Variants in ARFRP1 observed in about 807,000 individuals in gnomAD.
The protein encoded by ARFRP1 is ARF related protein 1, also known as ADP-ribosylation factor-related protein 1.
Under a neutral mutation model 30.3 loss-of-function variants are expected in ARFRP1, and 19 were observed. That is an observed-to-expected ratio of 0.63 (90% confidence interval 0.44 to 0.92). The LOEUF is 0.92. ARFRP1 is among the 40% of genes least tolerant of loss of function. The pLI, the probability that ARFRP1 is intolerant of heterozygous loss-of-function variation, is 0.00. For missense variants in ARFRP1, 245 were observed against 267.5 expected (o/e 0.92, Z 0.59); for synonymous variants, 133 against 114.2 (o/e 1.16, Z -1.05).
Position 63,700,136 on chromosome 20 carries a change from G to A in ARFRP1, c.*307C>T, listed in dbSNP as rs961364912. On this transcript the variant is annotated 3_prime_UTR_variant, in exon 8 of 8. Coordinates refer to ENST00000622789, the MANE Select transcript of ARFRP1 (RefSeq NM_001267547.3). ...AGCCCAAGCCAGCCTGAGCACTGGA[G>A]CCCCAATTCCCAACCAGGTCTCCCT... 2.4e-6 allele frequency: 1 copy of A among 415,222 alleles called. No individual in the cohort carries two copies. The highest frequency in any genetic ancestry group is 4.5e-6 in the Non-Finnish European group (1 of 219,844). The allele number at this position is 415,222 out of a possible 1,614,324, so 25.7% of individuals were successfully genotyped here.
At chr20:63,704,555 G>A (rs1417841992) in intron 4 of ARFRP1, 1 of 152,252 alleles carries the variant, frequency 6.6e-6, no homozygotes, top group Non-Finnish European at 1.5e-5. Flanking sequence ...TAGTGAATTG[G>A]GAGGGCACTC....
chr20:63,701,324 C>G, intron 6 of ARFRP1: 2 of 533,264 alleles, frequency 3.8e-6, no homozygotes, highest in South Asian at 2.8e-5. Flanking sequence ...CTGTGCAAAG[C>G]CACTCCAAGA....
Position 63,699,508 on chromosome 20 carries a change from A to T in ARFRP1, c.*935T>A, listed in dbSNP as rs1437270502. 1 of 152,354 alleles carries T rather than the reference A, an allele frequency of 6.6e-6. No homozygotes were observed. The highest frequency in any genetic ancestry group is 1.5e-5 in the Non-Finnish European group (1 of 68,106). The allele number at this position is 152,354 out of a possible 1,614,324, so 9.4% of individuals were successfully genotyped here. ...CCTCCAGGAGGGAAGGGATGGACAG[A>T]GCCACACTCGCCGTCTTTATTTTGC... On this transcript the variant is annotated 3_prime_UTR_variant, in exon 8 of 8. Coordinates refer to ENST00000622789, the MANE Select transcript of ARFRP1 (RefSeq NM_001267547.3).
At chr20:63,703,226 C>G (rs997215850) in intron 4 of ARFRP1, 1 of 152,264 alleles carries the variant, frequency 6.6e-6, no homozygotes, top group Non-Finnish European at 1.5e-5. Flanking sequence ...GACACACACA[C>G]CCGAGAGCAT....
rs1004255236 is a variant in ARFRP1, at chr20:63,700,081, C to T, written c.*362G>A. On this transcript the variant is annotated 3_prime_UTR_variant, in exon 8 of 8. Coordinates refer to ENST00000622789, the MANE Select transcript of ARFRP1 (RefSeq NM_001267547.3). ...TGGGGCGGAGACAGCCACGGGGTCT[C>T]CCGAGGGTCCCACAGGGCTGTCCTC... 3.0e-6 allele frequency: 1 copy of T among 329,510 alleles called. No individual in the cohort carries two copies. The highest frequency in any genetic ancestry group is 2.1e-5 in the African/African-American group (1 of 46,748). The allele number at this position is 329,510 out of a possible 1,614,324, so 20.4% of individuals were successfully genotyped here.
rs758302348 is a variant in ARFRP1 at position 63,700,522 on chromosome 20, ACC to A, written c.525_526del (p.Val176AlafsTer139). The A allele has an allele frequency of 6.2e-7, 1 of 1,610,722 alleles. No individual in the cohort carries two copies. The highest frequency in any genetic ancestry group is 8.5e-7 in the Non-Finnish European group (1 of 1,179,818). On this transcript the variant is annotated frameshift_variant, in exon 8 of 8. Transcript: ENST00000622789. LOFTEE classifies it high-confidence loss of function. ...CACCATCCACTCGATGCCCTCGCGCACCCCTTTGCTGTGAAGACAGCGGGTGT... is the reference window on the plus strand; with the variant it reads ...CACCATCCACTCGATGCCCTCGCGCACCTTTGCTGTGAAGACAGCGGGTGT...
At position 63,700,517 on chromosome 20, in the gene ARFRP1, C is replaced by T. The variant is rs1174269807; in HGVS notation, c.532G>A (p.Glu178Lys). The T allele has an allele frequency of 7.4e-6, 12 of 1,610,744 alleles. No individual in the cohort carries two copies. The highest frequency in any genetic ancestry group is 2.7e-5 in the African/African-American group (2 of 74,908). The stretch of plus-strand genomic sequence containing the variant: ...CACTTCACCATCCACTCGATGCCCT[C>T]GCGCACCCCTTTGCTGTGAAGACAG... ...CSALTGKGVR[E>K]GIEWMVKCVV... Residue 178 changes from glutamate to lysine, a missense_variant, in exon 8 of 8, where the codon GAG becomes AAG. By Grantham distance (56) the Glu-to-Lys change is moderately conservative. Coordinates refer to ENST00000622789, the MANE Select transcript of ARFRP1 (RefSeq NM_001267547.3).
intron 4 of ARFRP1, chr20:63,703,753 C>A (rs377184022): frequency 6.6e-6 from 1 of 152,346 alleles, no homozygotes; most frequent in African/African-American, 2.4e-5. Flanking sequence ...GACCATGGGA[C>A]CACGTGGCCA....
rs114023340 is a variant in ARFRP1, at chr20:63,700,003, G to A, written c.*440C>T. 6.9e-3 allele frequency: 1,685 copies of A among 244,530 alleles called. 36 individuals carry two copies. The highest frequency in any genetic ancestry group is 0.035 in the African/African-American group (1,575 of 44,476). 15.1% of individuals were successfully genotyped at this position (244,530 alleles called of 1,614,324 possible). Reference sequence around the variant, plus strand: ...CACTTCCGGGGTCACGGGGTCACGGGGTCACAGGGCAGAAGCCAGATGGCA... The same window carrying A: ...CACTTCCGGGGTCACGGGGTCACGGAGTCACAGGGCAGAAGCCAGATGGCA... On this transcript the variant is annotated 3_prime_UTR_variant, in exon 8 of 8. Coordinates refer to ENST00000622789, the MANE Select transcript of ARFRP1 (RefSeq NM_001267547.3).
chr20:63,700,132 T>G lies in ARFRP1; in HGVS notation c.*311A>C. 1 of 411,030 alleles carries G rather than the reference T, an allele frequency of 2.4e-6. No individual in the cohort carries two copies. The highest frequency in any genetic ancestry group is 4.6e-6 in the Non-Finnish European group (1 of 217,212). 25.5% of individuals were successfully genotyped at this position (411,030 alleles called of 1,614,324 possible). On this transcript the variant is annotated 3_prime_UTR_variant, in exon 8 of 8. Coordinates refer to ENST00000622789, the MANE Select transcript of ARFRP1 (RefSeq NM_001267547.3). ...ATGCAGCCCAAGCCAGCCTGAGCAC[T>G]GGAGCCCCAATTCCCAACCAGGTCT... is the stretch of plus-strand genomic sequence containing the variant.
In ARFRP1 at chr20:63,698,661, T is replaced by A. The variant is rs977539445; in HGVS notation, c.*1782A>T. On this transcript the variant is annotated 3_prime_UTR_variant, in exon 8 of 8. Coordinates refer to ENST00000622789, the MANE Select transcript of ARFRP1 (RefSeq NM_001267547.3). ...AAGAAATGAGGTTTCTTAAAGCTTA[T>A]TTTTATAAAGCTTTTTCATAAAACT... 7.7e-7 allele frequency: 1 copy of A among 1,292,878 alleles called. No homozygotes were observed. Among genetic ancestry groups the A allele is most frequent in the African/African-American group, 1.9e-5 (1 of 51,588 alleles). 80.1% of individuals were successfully genotyped at this position (1,292,878 alleles called of 1,614,324 possible). A position where few individuals can be genotyped will look rare whatever the true frequency, so the allele number is the denominator to read the frequency against.
rs752710072 is a variant in ARFRP1, at chr20:63,699,799, T to C, written c.*644A>G. ...ACTCCCAGCAGGCCCCCTCAGCTTT[T>C]TGCATCAGTCAGCTCCCTCCCGGGG... On this transcript the variant is annotated 3_prime_UTR_variant, in exon 8 of 8. Coordinates refer to ENST00000622789, the MANE Select transcript of ARFRP1 (RefSeq NM_001267547.3). 1.4e-4 allele frequency: 22 copies of C among 154,526 alleles called. No homozygotes were observed. Among genetic ancestry groups the C allele is most frequent in the Non-Finnish European group, 2.9e-4 (20 of 69,564 alleles). 9.6% of individuals were successfully genotyped at this position (154,526 alleles called of 1,614,324 possible). A position where few individuals can be genotyped will look rare whatever the true frequency, so the allele number is the denominator to read the frequency against.
chr20:63,707,379 T>A (rs1187327479), intron 1 of ARFRP1: 4 of 352,716 alleles, frequency 1.1e-5, no homozygotes, highest in Non-Finnish European at 2.1e-5. Flanking sequence ...GTGTTCACAG[T>A]GAGCTCAGCC....
At position 63,701,887 on chromosome 20, in the gene ARFRP1, G is replaced by C. The variant is rs2091222037; in HGVS notation, c.360C>G (p.Thr120=). 3 of 1,549,906 alleles carry C rather than the reference G, an allele frequency of 1.9e-6. No individual in the cohort carries two copies. Among genetic ancestry groups the C allele is most frequent in the Non-Finnish European group, 8.7e-7 (1 of 1,146,936 alleles). The change falls in exon 6 of 8, where the codon ACC becomes ACG. Residue 120 remains threonine, a synonymous_variant. Transcript: ENST00000622789. ...ESKQAFEKVV[T]SEALCGVPVL... ...CGGGGACACCGCACAGCGCCTCGCT[G>C]GTCACCACCTTCTCTGGGGAGGGCA...
At chr20:63,702,311 A>G in intron 4 of ARFRP1, 94 bp from the exon 5 acceptor site, 3 of 1,240,796 alleles carry the variant, frequency 2.4e-6, no homozygotes, top group Non-Finnish European at 3.5e-6. Context: ...AGGGGCTCAC[A>G]TGAGGAAGGG....
rs1295810 is a variant in ARFRP1 at position 63,699,131 on chromosome 20, G to T, written c.*1312C>A. ...GCCTCCCGATGCACCCAGAGCAACC[G>T]GGGGGCTGCACCAGCCACTCGCCTC... On this transcript the variant is annotated 3_prime_UTR_variant, in exon 8 of 8. Transcript: ENST00000622789. 6.6e-6 allele frequency: 1 copy of T among 151,972 alleles called. No homozygotes were observed. Among genetic ancestry groups the T allele is most frequent in the South Asian group, 2.1e-4 (1 of 4,824 alleles). The allele number at this position is 151,972 out of a possible 1,614,324, so 9.4% of individuals were successfully genotyped here.
chr20:63,702,028 G>A lies in ARFRP1; in HGVS notation c.346+108C>T, dbSNP rs878877414. The stretch of plus-strand genomic sequence containing the variant: ...CCCCCCCCCCGTCACCCACTAGGCA[G>A]GAGCACTTCTGACCAGACACTGAGC... On this transcript the variant is annotated intron_variant, in intron 5 of 7. Coordinates refer to ENST00000622789, the MANE Select transcript of ARFRP1 (RefSeq NM_001267547.3). The A allele has an allele frequency of 1.9e-4, 159 of 854,636 alleles. No individual in the cohort carries two copies. The Middle Eastern group carries it at 6.3e-3, about 34-fold the overall frequency. The allele number at this position is 854,636 out of a possible 1,614,324, so 52.9% of individuals were successfully genotyped here. A position where few individuals can be genotyped will look rare whatever the true frequency, so the allele number is the denominator to read the frequency against.
intron 4 of ARFRP1, 193 bp downstream of exon 4, chr20:63,706,164 T>G: frequency 3.5e-6 from 2 of 564,140 alleles, no homozygotes; most frequent in Non-Finnish European, 3.2e-6. Flanking sequence ...ACCACCACTT[T>G]TGGGGCAACT....
intron 6 of ARFRP1, 33 bp from the exon 7 acceptor site, chr20:63,700,735 C>T: frequency 6.2e-7 from 1 of 1,602,940 alleles, no homozygotes; most frequent in African/African-American, 1.3e-5. Context: ...GAGCAGCCCC[C>T]ACGTCTGGCC....
Sources: gnomAD v4.1 joint callset for allele counts on GRCh38, gnomAD v4.1.1 for gene constraint, MANE v1.5 for transcripts, NCBI Gene and HGNC (gene_info 2026-07-23, HGNC 2026-07-21) for gene names.